SLC9A2: variants seen among roughly 807,000 people sequenced by gnomAD.
SLC9A2 encodes sodium/hydrogen exchanger 2.
Under a neutral mutation model 71.7 loss-of-function variants are expected in SLC9A2, and 42 were observed. The observed-to-expected ratio is 0.59, with a 90% confidence interval of 0.46 to 0.76. SLC9A2 has a LOEUF of 0.76. Among genes scored for constraint, SLC9A2 ranks in the 30% least tolerant of loss-of-function variants. The pLI, the probability that SLC9A2 is intolerant of heterozygous loss-of-function variation, is 0.00. For missense variants in SLC9A2, 829 were observed against 1,017.4 expected (o/e 0.81, Z 2.52); for synonymous variants, 396 against 392.5 (o/e 1.01, Z -0.10).
chr2:102,634,161 T>A (rs1322585084), intron 1 of SLC9A2, among the ~76,000 whole-genome samples: 1 of 152,210 alleles, frequency 6.6e-6, no homozygotes, highest in Non-Finnish European at 1.5e-5. Context: ...TCCTTGGTTG[T>A]CCATGATATT....
At chr2:102,689,435 C>G (rs889504123) in intron 5 of SLC9A2, among the ~76,000 whole-genome samples, 8 of 152,114 alleles carry the variant, frequency 5.3e-5, no homozygotes, top group Admixed American at 6.5e-5. Flanking sequence ...GTAGCCTCTC[C>G]CAGCAATTAC....
At chr2:102,653,310 T>A (rs976873311) in intron 1 of SLC9A2, among the ~76,000 whole-genome samples, 1 of 152,224 alleles carries the variant, frequency 6.6e-6, no homozygotes, top group African/African-American at 2.4e-5. Flanking sequence ...GAGTACAGAT[T>A]TGAAAACATG....
chr2:102,708,740 A>G lies in SLC9A2; in HGVS notation c.*251A>G, dbSNP rs1432906891. ...GTATTATTTGCTGGCCTGAAGAGAA[A>G]AAATGGTAATGTGTGCCTTTATTGA... On this transcript the variant is annotated 3_prime_UTR_variant, in exon 12 of 12. Coordinates refer to ENST00000233969, the MANE Select transcript of SLC9A2 (RefSeq NM_003048.6). 1 of 419,466 alleles carries G rather than the reference A, an allele frequency of 2.4e-6. No homozygotes were observed. Among genetic ancestry groups the G allele is most frequent in the Non-Finnish European group, 4.2e-6 (1 of 237,490 alleles). The allele number at this position is 419,466 out of a possible 1,614,324, so 26.0% of individuals were successfully genotyped here. A position where few individuals can be genotyped will look rare whatever the true frequency, so the allele number is the denominator to read the frequency against.
chr2:102,663,093 G>T (rs1009171712), intron 2 of SLC9A2, among the ~76,000 whole-genome samples: 2 of 152,218 alleles, frequency 1.3e-5, no homozygotes, highest in African/African-American at 4.8e-5. Context: ...AGTAACTGTG[G>T]CGTGTTGATG....
intron 2 of SLC9A2, among the ~76,000 whole-genome samples, chr2:102,659,049 T>C (rs1677000367): frequency 6.6e-6 from 1 of 152,180 alleles, no homozygotes; most frequent in African/African-American, 2.4e-5. Context: ...AAAAAGACTG[T>C]GTTTAAAGGA....
Position 102,619,863 on chromosome 2 carries a change from C to T in SLC9A2, c.15C>T (p.Gly5=), listed in dbSNP as rs939934177. Residue 5 remains glycine (G), a synonymous_variant, in exon 1 of 12, where the codon GGC becomes GGT. Transcript: ENST00000233969. This position sits in a 1 kb window ranked among gnomAD's most constrained non-coding sequence, Gnocchi z 4.3. ...CGGCGGCACCCATGGAACCACTGGG[C>T]AACTGGAGGAGCCTGCGGGCGCCAC... is the stretch of plus-strand genomic sequence containing the variant. MEPL[G]NWRSLRAPLP... The T allele has an allele frequency of 2.6e-6, 4 of 1,533,826 alleles. No individual in the cohort carries two copies. Among genetic ancestry groups the T allele is most frequent in the Admixed American group, 3.9e-5 (2 of 50,850 alleles).
chr2:102,683,178 T>C (rs6756408), intron 3 of SLC9A2, 83 bp from the exon 4 acceptor site: 33,066 of 900,824 alleles, frequency 0.037, 1,796 homozygotes, highest in African/African-American at 0.22. Flanking sequence ...AGTAGAGCCA[T>C]AATTTAGCTC....
chr2:102,619,731 G>A lies in SLC9A2; in HGVS notation c.-118G>A. 3.4e-6 allele frequency: 3 copies of A among 883,336 alleles called. No individual in the cohort carries two copies. The highest frequency in any genetic ancestry group is 4.7e-6 in the Non-Finnish European group (3 of 637,660). The allele number at this position is 883,336 out of a possible 1,614,324, so 54.7% of individuals were successfully genotyped here. On this transcript the variant is annotated 5_prime_UTR_variant, in exon 1 of 12. Coordinates refer to ENST00000233969, the MANE Select transcript of SLC9A2 (RefSeq NM_003048.6). The surrounding 1 kb of genome is among the most constrained non-coding windows in gnomAD (Gnocchi z 4.3). ...CCCGGTGCCGCAGCAGCGGCGGGTGGCTGTCGCTGCCCTGCCCTGCACGGG... is the reference window on the plus strand; with the variant it reads ...CCCGGTGCCGCAGCAGCGGCGGGTGACTGTCGCTGCCCTGCCCTGCACGGG...
At position 102,684,277 on chromosome 2, in the gene SLC9A2, C is replaced by T. The variant is rs754814590; in HGVS notation, c.1366C>T (p.Arg456Trp). ...VFLLPAAVFP[R>W]KKLFITAAIV... Reference sequence around the variant, plus strand: ...TCTCCTTCCTGCTGCTGTGTTTCCTCGGAAAAAATTGTTTATTACGGCTGC... The same window carrying T: ...TCTCCTTCCTGCTGCTGTGTTTCCTTGGAAAAAATTGTTTATTACGGCTGC... Residue 456 changes from arginine to tryptophan, a missense_variant, in exon 5 of 12, where the codon CGG (arginine) becomes TGG (tryptophan). This residue lies in a region of SLC9A2 where 500 missense variants were observed against 726.3 expected (regional missense o/e 0.69). Coordinates refer to ENST00000233969, the MANE Select transcript of SLC9A2 (RefSeq NM_003048.6). 1.2e-5 allele frequency: 19 copies of T among 1,614,066 alleles called. No individual in the cohort carries two copies. The highest frequency in any genetic ancestry group is 5.0e-5 in the Admixed American group (3 of 60,008).
chr2:102,633,918 G>A (rs932607074), intron 1 of SLC9A2, among the ~76,000 whole-genome samples: 4 of 152,070 alleles, frequency 2.6e-5, no homozygotes, highest in South Asian at 2.1e-4. Context: ...ACATACACAC[G>A]TATTACACAT....
intron 1 of SLC9A2, among the ~76,000 whole-genome samples, chr2:102,633,593 T>A (rs6543173): frequency 0.083 from 12,677 of 152,018 alleles, 1,668 homozygotes; most frequent in African/African-American, 0.28. Flanking sequence ...AAAGTTAGGA[T>A]TAGTATGACC....
At chr2:102,680,029 C>T (rs1019998742) in intron 3 of SLC9A2, among the ~76,000 whole-genome samples, 2 of 152,074 alleles carry the variant, frequency 1.3e-5, no homozygotes, top group African/African-American at 4.8e-5. Context: ...CATGTCTTTC[C>T]ATATTTGTCT....
rs376044846 is a variant in SLC9A2, at chr2:102,698,442, T to C, written c.1587-2628T>C. On this transcript the variant is annotated intron_variant, in intron 7 of 11. Coordinates refer to ENST00000233969, the MANE Select transcript of SLC9A2 (RefSeq NM_003048.6). Reference sequence around the variant, plus strand: ...TATTTATTGCATGCTGCTTCACTTATGTATTGGCATAATAATGTTGTATAA... The same window carrying C: ...TATTTATTGCATGCTGCTTCACTTACGTATTGGCATAATAATGTTGTATAA... Among the ~76,000 whole-genome samples the C allele has an allele frequency of 1.2e-4, 19 of 152,366 alleles. 1 individual carries two copies. The highest frequency in any genetic ancestry group is 4.3e-4 in the African/African-American group (18 of 41,582).
chr2:102,681,926 T>G (rs1677459851), intron 3 of SLC9A2, among the ~76,000 whole-genome samples: 2 of 152,228 alleles, frequency 1.3e-5, no homozygotes, highest in African/African-American at 4.8e-5. Context: ...TGCTTAGGTT[T>G]GCATTCTTCT....
chr2:102,704,683 A>C lies in SLC9A2; in HGVS notation c.1977+8A>C. ...TTGAATCGAGAACACAGGGTAACTG[A>C]GTGTGCGCCTCTAGGAGACTTCCAG... is the stretch of plus-strand genomic sequence containing the variant. On this transcript the variant is annotated splice_region_variant and intron_variant, in intron 10 of 11. Transcript: ENST00000233969. 1 of 1,608,690 alleles carries C rather than the reference A, an allele frequency of 6.2e-7. No homozygotes were observed. The highest frequency in any genetic ancestry group is 8.5e-7 in the Non-Finnish European group (1 of 1,176,400).
rs188373156 is a variant in SLC9A2 at position 102,660,039 on chromosome 2, C to T, written c.753+2012C>T. ...GATCAAATTTTTATTCAGACATCTC[C>T]GTGGTCCATTCTTTGAGTTTGTCCC... is the stretch of plus-strand genomic sequence containing the variant. On this transcript the variant is annotated intron_variant, in intron 2 of 11. Coordinates refer to ENST00000233969, the MANE Select transcript of SLC9A2 (RefSeq NM_003048.6). Among the ~76,000 whole-genome samples the T allele has an allele frequency of 1.2e-4, 19 of 152,284 alleles. No individual in the cohort carries two copies. The East Asian group carries it at 3.3e-3, about 26-fold the overall frequency.
intron 1 of SLC9A2, among the ~76,000 whole-genome samples, chr2:102,644,999 A>G (rs1676689684): frequency 6.6e-6 from 1 of 152,138 alleles, no homozygotes; most frequent in South Asian, 2.1e-4. Context: ...GTGGCTCCTG[A>G]CTGGGAGACA....
At chr2:102,621,750 A>G (rs963990322) in intron 1 of SLC9A2, among the ~76,000 whole-genome samples, 2 of 152,200 alleles carry the variant, frequency 1.3e-5, no homozygotes, top group African/African-American at 4.8e-5. Context: ...GTAGGGTGAC[A>G]AACTCAGAAA....
chr2:102,667,163 C>G (rs1183235764), intron 3 of SLC9A2, among the ~76,000 whole-genome samples: 4 of 152,132 alleles, frequency 2.6e-5, no homozygotes, highest in Non-Finnish European at 1.5e-5. Flanking sequence ...TAGTTTGACC[C>G]AGTAATGAAA....
Sources: gnomAD v4.1 joint callset for allele counts (sites outside exome capture counted in the v4.1 genomes callset) on GRCh38, gnomAD v4.1.1 for gene constraint, gnomAD v4.1.1 regional missense constraint, Gnocchi (gnomAD v3.1) non-coding constraint, MANE v1.5 for transcripts, NCBI Gene and HGNC (gene_info 2026-07-23, HGNC 2026-07-21) for gene names.